FASTKD1: variants seen among roughly 807,000 people sequenced by gnomAD.
FASTKD1 encodes the protein FAST kinase domain-containing protein 1, mitochondrial.
Under a neutral mutation model 90.9 loss-of-function variants are expected in FASTKD1, and 94 were observed. That is an observed-to-expected ratio of 1.03 (90% confidence interval 0.88 to 1.23). FASTKD1 has a LOEUF of 1.23. Among genes scored for constraint, FASTKD1 ranks in the 50% most tolerant of loss-of-function variants. The pLI, the probability that FASTKD1 is intolerant of heterozygous loss-of-function variation, is 0.00. For missense variants in FASTKD1, 945 were observed against 993.5 expected, an observed-to-expected ratio of 0.95 and a Z score of 0.66; for synonymous variants, 319 against 345.8, an observed-to-expected ratio of 0.92 and a Z score of 0.86.
Position 169,529,217 on chromosome 2 carries a change from T to A in FASTKD1, c.*608A>T, listed in dbSNP as rs1684375442. ...CACCTGCCCCCCATCTTGCTCTTCC[T>A]ATAGACTATCCCCATCTTAGTTAAT... On this transcript the variant is annotated 3_prime_UTR_variant, in exon 15 of 15. Transcript: ENST00000453153. Among the ~76,000 whole-genome samples, 1 of 151,700 alleles carries A rather than the reference T, an allele frequency of 6.6e-6. No homozygotes were observed. The highest frequency in any genetic ancestry group is 6.6e-5 in the Admixed American group (1 of 15,224).
chr2:169,572,956 C>A (rs921539635), intron 1 of FASTKD1: 5 of 152,138 alleles, frequency 3.3e-5, no homozygotes, highest in African/African-American at 9.7e-5. Flanking sequence ...TTACAAAGAA[C>A]GTTTGAAACA....
chr2:169,539,516 C>T (rs1684874704), intron 10 of FASTKD1, among the ~76,000 whole-genome samples: 1 of 151,928 alleles, frequency 6.6e-6, no homozygotes, highest in South Asian at 2.1e-4. Flanking sequence ...CACCTATAAT[C>T]GCAGCATCTG....
In FASTKD1 at chr2:169,557,186, C is replaced by T. The variant is rs1683357908; in HGVS notation, c.1082+1G>A. On this transcript the variant is annotated splice_donor_variant, in intron 6 of 14. Coordinates refer to ENST00000453153, the MANE Select transcript of FASTKD1 (RefSeq NM_024622.6). LOFTEE classifies it high-confidence loss of function. Reference sequence around the variant, plus strand: ...AACGTCGTAAATTTCAGAAAAGATACCTTTTAATCAGACATGAGTTTCTGC... The same window carrying T: ...AACGTCGTAAATTTCAGAAAAGATATCTTTTAATCAGACATGAGTTTCTGC... The T allele has an allele frequency of 6.3e-7, 1 of 1,580,280 alleles. No homozygotes were observed. Among genetic ancestry groups the T allele is most frequent in the Non-Finnish European group, 8.7e-7 (1 of 1,150,554 alleles).
chr2:169,560,774 A>T lies in FASTKD1; in HGVS notation c.584T>A (p.Val195Asp). ...ETTQDLSSLS[V>D]LMVNISSLIS... ...TAAAGAAGATATGTTGACCATCAAG[A>T]CAGACAAGGAACTGAAAAAGAAAAA... The change falls in exon 5 of 15, where the codon GTC becomes GAC. Residue 195 changes from valine (V) to aspartate (D), a missense_variant. By Grantham distance (152) the Val-to-Asp change is radical. Transcript: ENST00000453153. 6.5e-7 allele frequency: 1 copy of T among 1,537,202 alleles called. No homozygotes were observed. Among genetic ancestry groups the T allele is most frequent in the East Asian group, 2.3e-5 (1 of 42,666 alleles).
intron 8 of FASTKD1, among the ~76,000 whole-genome samples, chr2:169,545,607 CAAG>C (rs1246774400): frequency 6.6e-6 from 1 of 152,172 alleles, no homozygotes; most frequent in Non-Finnish European, 1.5e-5. Flanking sequence ...AATAAATCTG[CAAG>C]AAGATGCAAT....
At chr2:169,531,005 T>C (rs572910286) in intron 13 of FASTKD1, 1 of 664,068 alleles carries the variant, frequency 1.5e-6, no homozygotes, top group East Asian at 3.2e-5. Context: ...GCTTATAGTC[T>C]AACAGAGAAC....
intron 10 of FASTKD1, among the ~76,000 whole-genome samples, chr2:169,539,628 G>A (rs1164198279): frequency 6.6e-6 from 1 of 151,944 alleles, no homozygotes; most frequent in Non-Finnish European, 1.5e-5. Context: ...AGCTGGGCAT[G>A]GTGACACACG....
chr2:169,551,780 G>A (rs1237187632), intron 7 of FASTKD1, among the ~76,000 whole-genome samples: 1 of 152,102 alleles, frequency 6.6e-6, no homozygotes, highest in Non-Finnish European at 1.5e-5. Context: ...GAAAACGAAT[G>A]AGACCCTATC....
intron 5 of FASTKD1, chr2:169,560,160 G>T: frequency 3.5e-6 from 1 of 286,560 alleles, no homozygotes; most frequent in Non-Finnish European, 6.5e-6. Flanking sequence ...TTTCATGTTG[G>T]CCCAGTATCA....
At position 169,571,912 on chromosome 2, in the gene FASTKD1, T is replaced by G; in HGVS notation, c.118A>C (p.Ile40Leu). ...TCTGTACACTTATTCATCTGAATAA[T>G]TAGTGGTTCACAACTGATGGGTCGA... is the stretch of plus-strand genomic sequence containing the variant. ...QFRPISCEPL[I>L]IQMNKCTDEE... Residue 40 changes from isoleucine to leucine, a missense_variant, in exon 2 of 15, where the codon ATT becomes CTT. Coordinates refer to ENST00000453153, the MANE Select transcript of FASTKD1 (RefSeq NM_024622.6). 6.2e-7 allele frequency: 1 copy of G among 1,614,068 alleles called. No individual in the cohort carries two copies. The highest frequency in any genetic ancestry group is 1.1e-5 in the South Asian group (1 of 91,080).
At chr2:169,555,756 T>C (rs971054535) in intron 6 of FASTKD1, among the ~76,000 whole-genome samples, 17 of 152,200 alleles carry the variant, frequency 1.1e-4, no homozygotes, top group African/African-American at 3.1e-4. Flanking sequence ...AAATTAGGCA[T>C]GTACAATTAA....
chr2:169,542,213 G>A lies in FASTKD1; in HGVS notation c.1817-2034C>T, dbSNP rs997350201. 1.8e-4 allele frequency among the ~76,000 whole-genome samples: 27 copies of A among 152,120 alleles called. 1 individual carries two copies. The highest frequency in any genetic ancestry group is 1.4e-3 in the Admixed American group (21 of 15,258). ...CTAACAGAAAGTAAACTCGATCATG[G>A]TAGTTTATCTGTTTTTACTCTCTCC... is the stretch of plus-strand genomic sequence containing the variant. On this transcript the variant is annotated intron_variant, in intron 9 of 14. Coordinates refer to ENST00000453153, the MANE Select transcript of FASTKD1 (RefSeq NM_024622.6).
chr2:169,550,375 A>C (rs1373303769), intron 7 of FASTKD1, among the ~76,000 whole-genome samples: 1 of 152,206 alleles, frequency 6.6e-6, no homozygotes, highest in African/African-American at 2.4e-5. Flanking sequence ...TCAACTAGGA[A>C]AAAAAATACA....
At chr2:169,545,543 G>T (rs1227814913) in intron 8 of FASTKD1, among the ~76,000 whole-genome samples, 2 of 152,134 alleles carry the variant, frequency 1.3e-5, no homozygotes, top group Non-Finnish European at 2.9e-5. Flanking sequence ...TAGTGATTTT[G>T]TAAGTGAGCT....
chr2:169,542,451 G>A (rs747623003), intron 9 of FASTKD1, among the ~76,000 whole-genome samples: 4 of 152,160 alleles, frequency 2.6e-5, no homozygotes, highest in Non-Finnish European at 5.9e-5. Context: ...AAAAGGAAAA[G>A]GAAAAGGAAA....
Position 169,555,160 on chromosome 2 carries a change from T to G in FASTKD1, c.1178A>C (p.Lys393Thr), listed in dbSNP as rs375168281. The change falls in exon 7 of 15, where the codon AAG becomes ACG. Residue 393 changes from lysine (K) to threonine (T), a missense_variant. Lys to Thr is a moderately conservative substitution (Grantham distance 78). Transcript: ENST00000453153. ...TTCTCTAAGTTTCGCAAAAAACTCC[T>G]TCCTTTGGAAATGCAGAAAAGTTAA... The part of the protein sequence containing the change: ...QELTFLHFQR[K>T]EFFAKLRELL... 8.7e-5 allele frequency: 141 copies of G among 1,612,610 alleles called. No individual in the cohort carries two copies. The highest frequency in any genetic ancestry group is 1.1e-4 in the Non-Finnish European group (124 of 1,179,542).
At position 169,557,807 on chromosome 2, in the gene FASTKD1, G is replaced by A. The variant is rs887190647; in HGVS notation, c.972-510C>T. ...AGCTGGTCCATTTTGACTATGATTAGTTGTCATTTGAACTATCCAAAGTAG... is the reference window on the plus strand; with the variant it reads ...AGCTGGTCCATTTTGACTATGATTAATTGTCATTTGAACTATCCAAAGTAG... On this transcript the variant is annotated intron_variant, in intron 5 of 14. Transcript: ENST00000453153. 2.6e-5 allele frequency among the ~76,000 whole-genome samples: 4 copies of A among 152,172 alleles called. No individual in the cohort carries two copies. The East Asian group carries it at 5.8e-4, about 22-fold the overall frequency.
At chr2:169,539,903 CTG>C in intron 10 of FASTKD1, 146 bp downstream of exon 10, 1 of 436,340 alleles carries the variant, frequency 2.3e-6, no homozygotes, top group African/African-American at 2.0e-5. Flanking sequence ...TATTTTATTC[CTG>C]TGTTTTCCAA....
In FASTKD1 at chr2:169,571,935, C is replaced by G. The variant is rs376071696; in HGVS notation, c.95G>C (p.Arg32Pro). The stretch of plus-strand genomic sequence containing the variant: ...AATTAGTGGTTCACAACTGATGGGT[C>G]GAAATTGAAACACTCTCCAGGAGAA... The part of the protein sequence containing the change: ...CPFSWRVFQF[R>P]PISCEPLIIQ... Residue 32 changes from arginine (R) to proline (P), a missense_variant, in exon 2 of 15, where the codon CGA becomes CCA. Arg to Pro is a moderately radical substitution (Grantham distance 103, BLOSUM62 -2). Transcript: ENST00000453153. 1.2e-6 allele frequency: 2 copies of G among 1,613,772 alleles called. No homozygotes were observed.
Sources: allele counts gnomAD v4.1 joint callset (sites outside exome capture counted in the v4.1 genomes callset), GRCh38; gene constraint gnomAD v4.1.1; transcripts MANE v1.5; gene names NCBI Gene and HGNC (gene_info 2026-07-23, HGNC 2026-07-21).